The following TRAPPC11 variants were observed in gnomAD, a reference collection of about 807,000 sequenced individuals.
The protein encoded by TRAPPC11 is trafficking protein particle complex subunit 11.
In TRAPPC11, 104 loss-of-function variants were observed where a neutral mutation model predicts 151.2. The ratio of observed to expected loss-of-function variants is 0.69; its 90% confidence interval spans 0.59 to 0.81. TRAPPC11 has a LOEUF of 0.81. Ranked by LOEUF, TRAPPC11 falls within the 30% of genes least tolerant of loss-of-function variation. The pLI is 0.00. For synonymous variants in TRAPPC11, 456 were observed against 472.3 expected, an observed-to-expected ratio of 0.97 and a Z score of 0.45; for missense variants, 1,230 against 1,349.6, an observed-to-expected ratio of 0.91 and a Z score of 1.39.
chr4:183,705,190 G>A, intron 27 of TRAPPC11, 120 bp downstream of exon 27: 1 of 642,558 alleles, frequency 1.6e-6, no homozygotes, highest in Non-Finnish European at 2.7e-6. Context: ...TGTAAAAGTA[G>A]CTTATGGCCA....
Position 183,697,668 on chromosome 4 carries a change from A to G in TRAPPC11, c.2695-11A>G. On this transcript the variant is annotated splice_polypyrimidine_tract_variant and intron_variant, in intron 24 of 29. Transcript: ENST00000334690. ...AATTCCTGACAGACCTTTTATCTTC[A>G]TTTGTGACAGTTTGAGCACCTGGAA... 1 of 1,613,490 alleles carries G rather than the reference A, an allele frequency of 6.2e-7. No individual in the cohort carries two copies. Among genetic ancestry groups the G allele is most frequent in the South Asian group, 1.1e-5 (1 of 91,016 alleles).
At chr4:183,671,141 C>T (rs998958123) in intron 5 of TRAPPC11, among the ~76,000 whole-genome samples, 4 of 152,178 alleles carry the variant, frequency 2.6e-5, no homozygotes, top group Admixed American at 2.0e-4. Flanking sequence ...GCTGGGATTA[C>T]ATTCATGAGC....
At position 183,684,714 on chromosome 4, in the gene TRAPPC11, G is replaced by A; in HGVS notation, c.1440G>A (p.Met480Ile). Reference sequence around the variant, plus strand: ...CTTTGAGGTTGCTGGATTATGTGATGTGTGATTATCGGAGTGAAGGATGGT... The same window carrying A: ...CTTTGAGGTTGCTGGATTATGTGATATGTGATTATCGGAGTGAAGGATGGT... ...TKALKLLDYV[M>I]CDYRSEGWWT... is the part of the protein sequence containing the mutation. The change falls in exon 15 of 30, where the codon ATG becomes ATA. Residue 480 changes from methionine (M) to isoleucine (I), a missense_variant. Physicochemically the swap from Met to Ile is conservative, Grantham distance 10. Coordinates refer to ENST00000334690, the MANE Select transcript of TRAPPC11 (RefSeq NM_021942.6). 6.2e-7 allele frequency: 1 copy of A among 1,613,954 alleles called. No homozygotes were observed. Among genetic ancestry groups the A allele is most frequent in the South Asian group, 1.1e-5 (1 of 91,066 alleles).
At chr4:183,663,112 A>G (rs6552697) in intron 1 of TRAPPC11, among the ~76,000 whole-genome samples, 20,587 of 151,940 alleles carry the variant, frequency 0.14, 1,689 homozygotes, top group African/African-American at 0.23. Flanking sequence ...TGTCACCCAG[A>G]TTGGAGTGGA....
At position 183,679,984 on chromosome 4, in the gene TRAPPC11, G is replaced by C. The variant is rs1014613647; in HGVS notation, c.966-136G>C. The C allele has an allele frequency of 8.7e-6, 6 of 685,838 alleles. No individual in the cohort carries two copies. The African/African-American group carries it at 1.1e-4, about 12-fold the overall frequency. 42.5% of individuals were successfully genotyped at this position (685,838 alleles called of 1,614,324 possible). A position where few individuals can be genotyped will look rare whatever the true frequency, so the allele number is the denominator to read the frequency against. ...TGTATTAATATTTACAAAGAAATTAGAACAAATATTAACTGTTCATCAATA... is the reference window on the plus strand; with the variant it reads ...TGTATTAATATTTACAAAGAAATTACAACAAATATTAACTGTTCATCAATA... On this transcript the variant is annotated intron_variant, in intron 9 of 29. Transcript: ENST00000334690.
chr4:183,683,058 G>T (rs1029768824), intron 11 of TRAPPC11, among the ~76,000 whole-genome samples: 4 of 151,754 alleles, frequency 2.6e-5, no homozygotes, highest in African/African-American at 9.7e-5. Context: ...GGTGGCACAT[G>T]CCTGTAGTCC....
rs757320465 is a variant in TRAPPC11 at position 183,685,355 on chromosome 4, G to T, written c.1714G>T (p.Ala572Ser). The change falls in exon 17 of 30, where the codon GCT (alanine) becomes TCT (serine). Residue 572 changes from alanine (A) to serine (S), a missense_variant. Coordinates refer to ENST00000334690, the MANE Select transcript of TRAPPC11 (RefSeq NM_021942.6). ...QKLWADRISLAGSNIFTIGVQ... is the reference protein window; with the variant it reads ...QKLWADRISLSGSNIFTIGVQ... ...GCTGTGGGCAGACCGAATTTCTCTGGCTGGCAGCAATATTTTCACAATAGG... is the reference window on the plus strand; with the variant it reads ...GCTGTGGGCAGACCGAATTTCTCTGTCTGGCAGCAATATTTTCACAATAGG... 1.9e-6 allele frequency: 3 copies of T among 1,613,986 alleles called. No individual in the cohort carries two copies. Among genetic ancestry groups the T allele is most frequent in the African/African-American group, 2.7e-5 (2 of 74,926 alleles).
At chr4:183,686,554 C>T (rs1227115428) in intron 17 of TRAPPC11, 64 bp from the exon 18 acceptor site, 2 of 1,575,438 alleles carry the variant, frequency 1.3e-6, no homozygotes, top group African/African-American at 1.4e-5. Flanking sequence ...ATTTGGTTAA[C>T]AGGATGTGTG....
intron 25 of TRAPPC11, among the ~76,000 whole-genome samples, chr4:183,699,185 A>G (rs1016959104): frequency 6.6e-6 from 1 of 152,162 alleles, no homozygotes; most frequent in Non-Finnish European, 1.5e-5. Context: ...AACTTAGGGC[A>G]TTCATCCAAC....
At position 183,665,929 on chromosome 4, in the gene TRAPPC11, C is replaced by CTT. The variant is rs11462767; in HGVS notation, c.205-311_205-310dup. Among the ~76,000 whole-genome samples, 267 of 137,850 alleles carry CTT rather than the reference C, an allele frequency of 1.9e-3. 3 individuals carry two copies. Among genetic ancestry groups the CTT allele is most frequent in the East Asian group, 3.6e-3 (17 of 4,704 alleles). The allele number at this position is 137,850 out of a possible 152,430, so 90.4% of individuals were successfully genotyped here. On this transcript the variant is annotated intron_variant, in intron 2 of 29. Transcript: ENST00000334690. ...GTAGAATTTACCTGGAAATGGGCTA[C>CTT]TTTTTTTTTTTTTTTTTTCTTTAGC...
intron 5 of TRAPPC11, among the ~76,000 whole-genome samples, chr4:183,671,430 A>G (rs561742145): frequency 1.1e-4 from 16 of 152,230 alleles, no homozygotes; most frequent in African/African-American, 2.4e-4. Flanking sequence ...GGAAGAAAGG[A>G]TGTAAGGACC....
chr4:183,669,878 G>A (rs529315726), intron 5 of TRAPPC11, among the ~76,000 whole-genome samples: 36 of 152,298 alleles, frequency 2.4e-4, no homozygotes, highest in Non-Finnish European at 3.8e-4. Flanking sequence ...ATGGGCCTCT[G>A]CCCTTAACCA....
rs755598549 is a variant in TRAPPC11 at position 183,692,949 on chromosome 4, T to C, written c.2050-11T>C. The C allele has an allele frequency of 3.1e-6, 5 of 1,587,918 alleles. No homozygotes were observed. The highest frequency in any genetic ancestry group is 3.4e-6 in the Non-Finnish European group (4 of 1,166,530). ...AGATGACATTTCCAACATCCTTTTT[T>C]TTCTTTTTAGATTACTTCAGTGGAT... On this transcript the variant is annotated splice_polypyrimidine_tract_variant and intron_variant, in intron 19 of 29. Coordinates refer to ENST00000334690, the MANE Select transcript of TRAPPC11 (RefSeq NM_021942.6).
intron 20 of TRAPPC11, 100 bp downstream of exon 20, chr4:183,693,247 A>G: frequency 1.7e-6 from 2 of 1,168,696 alleles, no homozygotes; most frequent in Non-Finnish European, 2.4e-6. Context: ...GCTGGAGTGC[A>G]GTGGTGTGAT....
rs1391953282 is a variant in TRAPPC11, at chr4:183,677,551, C to T, written c.828C>T (p.Tyr276=). Reference sequence around the variant, plus strand: ...AGACTATGGCAGGATTTATAAACTACAAGGTAATAATTCTGCTTCCAAATA... The same window carrying T: ...AGACTATGGCAGGATTTATAAACTATAAGGTAATAATTCTGCTTCCAAATA... ...EIKTMAGFIN[Y]KICRLCFQHN... The change falls in exon 8 of 30, where the codon TAC becomes TAT. Residue 276 remains tyrosine, a synonymous_variant. Coordinates refer to ENST00000334690, the MANE Select transcript of TRAPPC11 (RefSeq NM_021942.6). 6.6e-7 allele frequency: 1 copy of T among 1,516,818 alleles called. No individual in the cohort carries two copies. The highest frequency in any genetic ancestry group is 9.1e-7 in the Non-Finnish European group (1 of 1,094,856). The allele number at this position is 1,516,818 out of a possible 1,614,324, so 94.0% of individuals were successfully genotyped here. A position where few individuals can be genotyped will look rare whatever the true frequency, so the allele number is the denominator to read the frequency against.
intron 23 of TRAPPC11, among the ~76,000 whole-genome samples, chr4:183,696,364 A>G (rs1411146562): frequency 6.6e-6 from 1 of 152,142 alleles, no homozygotes; most frequent in Admixed American, 6.6e-5. Flanking sequence ...GTTTTGAAAG[A>G]TGAAATAACC....
At chr4:183,711,655 T>C (rs1737346492) in intron 29 of TRAPPC11, among the ~76,000 whole-genome samples, 1 of 146,026 alleles carries the variant, frequency 6.8e-6, no homozygotes, top group Non-Finnish European at 1.5e-5. Flanking sequence ...CACACTGCTA[T>C]ATACATCTGA....
chr4:183,706,537 A>AC (rs1737081980), intron 27 of TRAPPC11, among the ~76,000 whole-genome samples: 1 of 151,274 alleles, frequency 6.6e-6, no homozygotes, highest in African/African-American at 2.4e-5. Flanking sequence ...AAAAAAAAAA[A>AC]GAAATGATCC....
intron 9 of TRAPPC11, 46 bp from the exon 10 acceptor site, chr4:183,680,073 CT>C (rs1409114600): frequency 6.5e-7 from 1 of 1,543,670 alleles, no homozygotes; most frequent in Non-Finnish European, 8.8e-7. Context: ...AAATAAGCTT[CT>C]TTTTCTTTTC....
Sources: gnomAD v4.1 joint callset for allele counts (sites outside exome capture counted in the v4.1 genomes callset) on GRCh38, gnomAD v4.1.1 for gene constraint, MANE v1.5 for transcripts, NCBI Gene and HGNC (gene_info 2026-07-23, HGNC 2026-07-21) for gene names.